FAM135A: variants seen among roughly 807,000 people sequenced by gnomAD.
FAM135A encodes the protein family with sequence similarity 135 member A.
FAM135A carries 79 observed loss-of-function variants against 146.8 expected under a neutral mutation model. That is an observed-to-expected ratio of 0.54 (90% CI 0.45 to 0.65). The LOEUF (loss-of-function observed/expected upper bound fraction) is 0.65, where lower values mean the gene tolerates loss of function less well. Ranked by LOEUF, FAM135A falls within the 30% of genes least tolerant of loss-of-function variation. FAM135A has a pLI of 0.00. For synonymous variants in FAM135A, 562 were observed against 603.6 expected (o/e 0.93, Z 1.01); for missense variants, 1,623 against 1,758.2 (o/e 0.92, Z 1.38).
At chr6:70,469,185 C>T (rs990286488) in intron 5 of FAM135A, among the ~76,000 whole-genome samples, 74 of 152,256 alleles carry the variant, frequency 4.9e-4, no homozygotes, top group African/African-American at 1.7e-3. Context: ...TTATCTCTTT[C>T]ATTTAACTGT....
At chr6:70,552,107 A>G (rs1799925575) in intron 20 of FAM135A, among the ~76,000 whole-genome samples, 2 of 152,200 alleles carry the variant, frequency 1.3e-5, no homozygotes, top group Non-Finnish European at 1.5e-5. Flanking sequence ...CTTTAAAAAT[A>G]TTGAATTTGA....
intron 4 of FAM135A, among the ~76,000 whole-genome samples, chr6:70,442,140 A>C (rs929675723): frequency 2.0e-5 from 3 of 151,808 alleles, no homozygotes; most frequent in Admixed American, 6.6e-5. Context: ...ATCATTACTT[A>C]CTTTATGTAT....
intron 5 of FAM135A, among the ~76,000 whole-genome samples, chr6:70,463,622 T>C (rs2128106884): frequency 6.6e-6 from 1 of 152,196 alleles, no homozygotes; most frequent in East Asian, 1.9e-4. Context: ...AGAAATGGGA[T>C]TCTACTAAAA....
At chr6:70,446,562 G>T (rs1003779827) in intron 4 of FAM135A, among the ~76,000 whole-genome samples, 1 of 152,096 alleles carries the variant, frequency 6.6e-6, no homozygotes, top group African/African-American at 2.4e-5. Flanking sequence ...GTTCAATTTT[G>T]TTTACAAAAA....
Position 70,560,068 on chromosome 6 carries a change from G to T in FAM135A, c.*147G>T. 3 of 626,674 alleles carry T rather than the reference G, an allele frequency of 4.8e-6. No individual in the cohort carries two copies. The highest frequency in any genetic ancestry group is 7.7e-6 in the Non-Finnish European group (3 of 391,056). 38.8% of individuals were successfully genotyped at this position (626,674 alleles called of 1,614,324 possible). ...ATAATTTATATCATCCATGTTTAGTGCTTTTTAAACATCAACTTTACTTTC... is the reference window on the plus strand; with the variant it reads ...ATAATTTATATCATCCATGTTTAGTTCTTTTTAAACATCAACTTTACTTTC... On this transcript the variant is annotated 3_prime_UTR_variant, in exon 22 of 22. Transcript: ENST00000418814.
intron 18 of FAM135A, among the ~76,000 whole-genome samples, chr6:70,534,978 T>C (rs924195523): frequency 1.3e-5 from 2 of 152,220 alleles, no homozygotes; most frequent in Non-Finnish European, 2.9e-5. Flanking sequence ...GTTGTAATTA[T>C]TCATTTGTGG....
intron 12 of FAM135A, chr6:70,504,496 C>T (rs1355672508): frequency 6.6e-6 from 1 of 151,980 alleles, no homozygotes; most frequent in Non-Finnish European, 1.5e-5. Flanking sequence ...ATGGACATAG[C>T]CATTTTTGGA....
chr6:70,537,369 AT>A (rs898909377), intron 19 of FAM135A, among the ~76,000 whole-genome samples: 1 of 152,082 alleles, frequency 6.6e-6, no homozygotes, highest in Non-Finnish European at 1.5e-5. Flanking sequence ...TGAAAATCTT[AT>A]TGCTATTTCC....
intron 20 of FAM135A, among the ~76,000 whole-genome samples, chr6:70,538,858 A>G (rs1010301568): frequency 5.0e-5 from 7 of 139,726 alleles, no homozygotes; most frequent in East Asian, 4.1e-4. Flanking sequence ...ATATTATATT[A>G]TATGGCTAGC....
intron 2 of FAM135A, among the ~76,000 whole-genome samples, chr6:70,418,748 A>T (rs972247767): frequency 3.3e-5 from 5 of 152,242 alleles, no homozygotes; most frequent in Non-Finnish European, 5.9e-5. Flanking sequence ...CTGAATGTAA[A>T]TCAAGAAATA....
chr6:70,441,685 A>ATTTT (rs201530248), intron 4 of FAM135A, among the ~76,000 whole-genome samples: 1 of 140,916 alleles, frequency 7.1e-6, no homozygotes, highest in Non-Finnish European at 1.5e-5. Flanking sequence ...GCATTAGCAA[A>ATTTT]TTTTTTTTTT....
Position 70,477,468 on chromosome 6 carries a change from G to A in FAM135A, c.542+136G>A, listed in dbSNP as rs138984627. On this transcript the variant is annotated intron_variant, in intron 8 of 21. Transcript: ENST00000418814. ...AGGCTGTACAGGAAGCATGATGCTG[G>A]CATCTGCTTAACTTCTGGGGAGGCC... The A allele has an allele frequency of 2.1e-3, 1,933 of 922,618 alleles. 45 individuals are homozygous for A. In the East Asian group the frequency reaches 0.048, roughly 23 times the overall value. 57.2% of individuals were successfully genotyped at this position (922,618 alleles called of 1,614,324 possible). A position where few individuals can be genotyped will look rare whatever the true frequency, so the allele number is the denominator to read the frequency against.
Position 70,426,523 on chromosome 6 carries a change from A to G in FAM135A, c.-49A>G, listed in dbSNP as rs192540982. The G allele has an allele frequency of 6.6e-6, 1 of 152,330 alleles. No individual in the cohort carries two copies. The highest frequency in any genetic ancestry group is 1.9e-4 in the East Asian group (1 of 5,186). 9.4% of individuals were successfully genotyped at this position (152,330 alleles called of 1,614,324 possible). A position where few individuals can be genotyped will look rare whatever the true frequency, so the allele number is the denominator to read the frequency against. The stretch of plus-strand genomic sequence containing the variant: ...TAATAATGTTAAAAATGAGGCTTTG[A>G]AAAGCAGAGGTAAGAATATAACTTT... On this transcript the variant is annotated 5_prime_UTR_variant, in exon 3 of 22. An upstream open reading frame in the 5' UTR loses its in-frame stop. Coordinates refer to ENST00000418814, the MANE Select transcript of FAM135A (RefSeq NM_001162529.3).
chr6:70,530,937 T>C (rs529506418), intron 16 of FAM135A, among the ~76,000 whole-genome samples: 3 of 152,278 alleles, frequency 2.0e-5, no homozygotes, highest in African/African-American at 7.2e-5. Context: ...AGTGCCTTCT[T>C]TTTTACACAT....
chr6:70,421,115 C>T (rs921806334), intron 2 of FAM135A, among the ~76,000 whole-genome samples: 1 of 152,068 alleles, frequency 6.6e-6, no homozygotes. Context: ...CTCCTGAGAG[C>T]TCAAGCAGTC....
At chr6:70,451,739 A>G (rs1214674791) in intron 4 of FAM135A, among the ~76,000 whole-genome samples, 1 of 152,164 alleles carries the variant, frequency 6.6e-6, no homozygotes, top group Non-Finnish European at 1.5e-5. Flanking sequence ...GAAGAAAAAC[A>G]AACATTAAAT....
chr6:70,487,253 T>C (rs1784871950), intron 10 of FAM135A, among the ~76,000 whole-genome samples: 1 of 152,134 alleles, frequency 6.6e-6, no homozygotes, highest in Non-Finnish European at 1.5e-5. Context: ...CACCACTCTC[T>C]GGATATGTTA....
At chr6:70,414,392 T>C (rs544284348) in intron 1 of FAM135A, among the ~76,000 whole-genome samples, 1 of 152,130 alleles carries the variant, frequency 6.6e-6, no homozygotes, top group Non-Finnish European at 1.5e-5. Context: ...CACTGCCTTC[T>C]CTTTCCTCTG....
chr6:70,415,042 T>C (rs1401087560), intron 1 of FAM135A, among the ~76,000 whole-genome samples: 1 of 152,236 alleles, frequency 6.6e-6, no homozygotes, highest in African/African-American at 2.4e-5. Context: ...CTCTGTTCTC[T>C]AATAAATGCA....
Sources: allele counts gnomAD v4.1 joint callset (sites outside exome capture counted in the v4.1 genomes callset), GRCh38; gene constraint gnomAD v4.1.1; transcripts MANE v1.5; gene names NCBI Gene and HGNC (gene_info 2026-07-23, HGNC 2026-07-21).